The following HS6ST3 variants were observed in gnomAD, a reference collection of about 807,000 sequenced individuals.
HS6ST3 encodes heparan sulfate 6-O-sulfotransferase 3, also known as heparan-sulfate 6-O-sulfotransferase 3.
HS6ST3 carries 12 observed loss-of-function variants against 36.7 expected under a neutral mutation model. The observed-to-expected ratio is 0.33, with a 90% confidence interval of 0.21 to 0.53. HS6ST3 has a LOEUF of 0.53. Ranked by LOEUF, HS6ST3 falls within the 20% of genes least tolerant of loss-of-function variation. The pLI, the probability that HS6ST3 is intolerant of heterozygous loss-of-function variation, is 0.95. For synonymous variants in HS6ST3, 240 were observed against 257.5 expected (o/e 0.93, Z 0.65); for missense variants, 584 against 640.9 (o/e 0.91, Z 0.96).
chr13:96,817,235 G>A (rs1218445106), intron 1 of HS6ST3, among the ~76,000 whole-genome samples: 10 of 152,156 alleles, frequency 6.6e-5, no homozygotes, highest in African/African-American at 2.2e-4. Flanking sequence ...GGAGGTCAAT[G>A]TATTCCATTA....
chr13:96,337,340 C>T (rs1454493543), intron 1 of HS6ST3, among the ~76,000 whole-genome samples: 2 of 152,126 alleles, frequency 1.3e-5, no homozygotes, highest in East Asian at 1.9e-4. Flanking sequence ...CTCCCAAAGT[C>T]CTGGGATTAC....
chr13:96,359,475 A>G (rs1477225430), intron 1 of HS6ST3, among the ~76,000 whole-genome samples: 1 of 152,210 alleles, frequency 6.6e-6, no homozygotes, highest in Non-Finnish European at 1.5e-5. Context: ...CTTTCATTTT[A>G]ACCATTAACA....
Position 96,581,526 on chromosome 13 carries a change from A to G in HS6ST3, c.708-250964A>G, listed in dbSNP as rs146095760. On this transcript the variant is annotated intron_variant, in intron 1 of 1. Coordinates refer to ENST00000376705, the MANE Select transcript of HS6ST3 (RefSeq NM_153456.4). ...TATGAGCCACCGCGCCTGGCCAACAACTACTTTTTGAGTCCGTTTTTGGAT... is the reference window on the plus strand; with the variant it reads ...TATGAGCCACCGCGCCTGGCCAACAGCTACTTTTTGAGTCCGTTTTTGGAT... Among the ~76,000 whole-genome samples, 598 of 152,104 alleles carry G rather than the reference A, an allele frequency of 3.9e-3. 3 individuals carry two copies. The highest frequency in any genetic ancestry group is 6.2e-3 in the Non-Finnish European group (418 of 67,958).
chr13:96,675,583 C>A lies in HS6ST3; in HGVS notation c.708-156907C>A, dbSNP rs113518443. Among the ~76,000 whole-genome samples the A allele has an allele frequency of 2.0e-4, 30 of 152,148 alleles. 1 individual carries two copies. The highest frequency in any genetic ancestry group is 7.0e-4 in the African/African-American group (29 of 41,538). ...AATGTCCTACTGGAGGGTTCTCTCC[C>A]AAAGGCATATTGAATTTTACCTTTG... On this transcript the variant is annotated intron_variant, in intron 1 of 1. Coordinates refer to ENST00000376705, the MANE Select transcript of HS6ST3 (RefSeq NM_153456.4).
At chr13:96,705,107 T>G (rs1400103894) in intron 1 of HS6ST3, among the ~76,000 whole-genome samples, 2 of 152,162 alleles carry the variant, frequency 1.3e-5, no homozygotes, top group African/African-American at 4.8e-5. Context: ...CTACAGCTGA[T>G]GAGCCTACAC....
At chr13:96,447,764 A>G (rs1407855021) in intron 1 of HS6ST3, among the ~76,000 whole-genome samples, 1 of 152,192 alleles carries the variant, frequency 6.6e-6, no homozygotes, top group Non-Finnish European at 1.5e-5. Context: ...CCACCTCCTC[A>G]TATAACTGGC....
intron 1 of HS6ST3, among the ~76,000 whole-genome samples, chr13:96,562,564 A>G (rs1303747735): frequency 6.6e-6 from 1 of 152,136 alleles, no homozygotes; most frequent in African/African-American, 2.4e-5. Flanking sequence ...AGACAATATT[A>G]ATAATAATTA....
At chr13:96,246,396 A>G (rs748334787) in intron 1 of HS6ST3, among the ~76,000 whole-genome samples, 3 of 152,184 alleles carry the variant, frequency 2.0e-5, no homozygotes, top group Non-Finnish European at 4.4e-5. Flanking sequence ...AGGTTGAAAC[A>G]TTGAAATACA....
intron 1 of HS6ST3, among the ~76,000 whole-genome samples, chr13:96,688,868 C>T (rs956372610): frequency 6.6e-6 from 1 of 152,028 alleles, no homozygotes; most frequent in Non-Finnish European, 1.5e-5. Flanking sequence ...CTCTGAGCAT[C>T]CTCCTCACTA....
At chr13:96,556,844 C>T (rs549992653) in intron 1 of HS6ST3, among the ~76,000 whole-genome samples, 139 of 152,196 alleles carry the variant, frequency 9.1e-4, no homozygotes, top group Non-Finnish European at 1.4e-3. Context: ...ATAAGAATGA[C>T]GGAAAAGAAG....
chr13:96,616,522 C>G (rs1195924887), intron 1 of HS6ST3, among the ~76,000 whole-genome samples: 1 of 152,106 alleles, frequency 6.6e-6, no homozygotes. Flanking sequence ...AACCTAAGTA[C>G]CCCTGCTCCC....
At chr13:96,519,460 A>G (rs1475068513) in intron 1 of HS6ST3, among the ~76,000 whole-genome samples, 1 of 152,220 alleles carries the variant, frequency 6.6e-6, no homozygotes, top group African/African-American at 2.4e-5. Flanking sequence ...ACTGGGGAAG[A>G]GAGGAACAAA....
chr13:96,513,940 G>A (rs2056061190), intron 1 of HS6ST3, among the ~76,000 whole-genome samples: 1 of 152,016 alleles, frequency 6.6e-6, no homozygotes, highest in East Asian at 1.9e-4. Flanking sequence ...CTAGAAGTGT[G>A]TGAGGAAGAA....
intron 1 of HS6ST3, among the ~76,000 whole-genome samples, chr13:96,755,918 T>A (rs1441448707): frequency 6.6e-6 from 1 of 152,222 alleles, no homozygotes; most frequent in African/African-American, 2.4e-5. Flanking sequence ...ACCAGTTTTC[T>A]TAAGTAGTTG....
At chr13:96,143,364 C>G (rs1449417187) in intron 1 of HS6ST3, among the ~76,000 whole-genome samples, 1 of 150,000 alleles carries the variant, frequency 6.7e-6, no homozygotes, top group Non-Finnish European at 1.5e-5. Context: ...TTGAAACTAC[C>G]TTGTCTGTTA....
At chr13:96,307,574 T>G (rs1004810494) in intron 1 of HS6ST3, among the ~76,000 whole-genome samples, 2 of 152,168 alleles carry the variant, frequency 1.3e-5, no homozygotes, top group African/African-American at 4.8e-5. Context: ...TTTTTTCTTT[T>G]TATTGATTTA....
At chr13:96,170,373 C>T (rs879312729) in intron 1 of HS6ST3, among the ~76,000 whole-genome samples, 8 of 152,182 alleles carry the variant, frequency 5.3e-5, no homozygotes, top group African/African-American at 9.7e-5. Context: ...GGGCTGCTGC[C>T]GCCAATGGAA....
intron 1 of HS6ST3, among the ~76,000 whole-genome samples, chr13:96,445,846 T>C (rs545919914): frequency 3.7e-4 from 49 of 131,358 alleles, no homozygotes; most frequent in African/African-American, 9.9e-4. Context: ...CCAGCCTGAG[T>C]GACAGCATTG....
intron 1 of HS6ST3, among the ~76,000 whole-genome samples, chr13:96,120,751 A>C (rs1413923862): frequency 6.6e-6 from 1 of 152,176 alleles, no homozygotes; most frequent in Non-Finnish European, 1.5e-5. Flanking sequence ...TTTCAGTGTA[A>C]ATTTCTGTGT....
Sources: gnomAD v4.1 joint callset for allele counts (sites outside exome capture counted in the v4.1 genomes callset) on GRCh38, gnomAD v4.1.1 for gene constraint, MANE v1.5 for transcripts, NCBI Gene and HGNC (gene_info 2026-07-23, HGNC 2026-07-21) for gene names.